Variants in MYCBP2 observed in about 807,000 individuals in gnomAD.
MYCBP2 encodes the protein MYC binding protein 2.
A neutral mutation model predicts 525.3 loss-of-function variants in MYCBP2; 120 were observed. The observed-to-expected ratio is 0.23, with a 90% CI of 0.20 to 0.27. The LOEUF is 0.27. Among genes scored for constraint, MYCBP2 ranks in the 10% least tolerant of loss-of-function variants. The pLI, the probability that MYCBP2 is intolerant of heterozygous loss-of-function variation, is 1.00. For synonymous variants in MYCBP2, 1,894 were observed against 1,955.8 expected (o/e 0.97, Z 0.83); for missense variants, 4,149 against 5,657.1 (o/e 0.73, Z 8.55).
chr13:77,275,069 T>C (rs1453741039), intron 4 of MYCBP2, among the ~76,000 whole-genome samples: 1 of 152,162 alleles, frequency 6.6e-6, no homozygotes, highest in African/African-American at 2.4e-5. Context: ...ATTCAGCAAA[T>C]ATATACCGAA....
rs1441102597 is a variant in MYCBP2, at chr13:77,243,051, C to T, written c.2629+8G>A. 3.1e-6 allele frequency: 5 copies of T among 1,612,708 alleles called. No homozygotes were observed. Among genetic ancestry groups the T allele is most frequent in the Admixed American group, 3.3e-5 (2 of 59,982 alleles). On this transcript the variant is annotated splice_region_variant and intron_variant, in intron 17 of 82. Transcript: ENST00000544440. Reference sequence around the variant, plus strand: ...TTCATGTACTTTTTCTCTGTAGCTACATCTTACCTCTTCCTTCCTCTAATC... The same window carrying T: ...TTCATGTACTTTTTCTCTGTAGCTATATCTTACCTCTTCCTTCCTCTAATC...
Position 77,098,255 on chromosome 13 carries a change from C to A in MYCBP2, c.8899G>T (p.Val2967Phe). The A allele has an allele frequency of 1.2e-5, 19 of 1,613,024 alleles. No homozygotes were observed. The highest frequency in any genetic ancestry group is 1.6e-5 in the Non-Finnish European group (19 of 1,179,806). Reference protein sequence around the residue: ...FKSVDEGSNKVHFSIGKAPLK... With the variant: ...FKSVDEGSNKFHFSIGKAPLK... ...GGTGCTTTTCCAATGCTAAAATGAA[C>A]TTTATTTGAACCTTCATCCACACTC... Residue 2967 changes from valine (V) to phenylalanine (F), a missense_variant, in exon 56 of 83, where the codon GTT (valine) becomes TTT (phenylalanine). By Grantham distance (50) the Val-to-Phe change is conservative (BLOSUM62 -1). Coordinates refer to ENST00000544440, the MANE Select transcript of MYCBP2 (RefSeq NM_015057.5).
chr13:77,185,866 C>G lies in MYCBP2; in HGVS notation c.4444+5G>C, dbSNP rs1365706119. The G allele has an allele frequency of 6.4e-7, 1 of 1,553,454 alleles. No homozygotes were observed. The highest frequency in any genetic ancestry group is 2.3e-5 in the East Asian group (1 of 43,558). On this transcript the variant is annotated splice_donor_5th_base_variant and intron_variant, in intron 31 of 82. Transcript: ENST00000544440. ...CTATAGTCATTTAAAAAAAATGCAT[C>G]ATACCTGACACTGGGTAAATTTCAC...
intron 1 of MYCBP2, among the ~76,000 whole-genome samples, chr13:77,311,776 A>G (rs2154376341): frequency 6.6e-6 from 1 of 152,162 alleles, no homozygotes; most frequent in Middle Eastern, 3.4e-3. Context: ...GAGGCCTGTG[A>G]AACAATCTCA....
chr13:77,162,178 T>C (rs766672616), intron 43 of MYCBP2, among the ~76,000 whole-genome samples: 5 of 152,192 alleles, frequency 3.3e-5, no homozygotes, highest in Non-Finnish European at 7.3e-5. Flanking sequence ...TCAAGAAGCA[T>C]CCATGGGTGA....
At chr13:77,237,964 C>A (rs997274692) in intron 17 of MYCBP2, among the ~76,000 whole-genome samples, 7 of 152,166 alleles carry the variant, frequency 4.6e-5, no homozygotes, top group African/African-American at 1.4e-4. Context: ...TAGCAACATG[C>A]CGGACGCGGT....
intron 62 of MYCBP2, among the ~76,000 whole-genome samples, chr13:77,083,421 G>A (rs570351880): frequency 6.6e-6 from 1 of 152,180 alleles, no homozygotes; most frequent in South Asian, 2.1e-4. Flanking sequence ...ATGAATAAAT[G>A]TATCAATTCT....
intron 52 of MYCBP2, among the ~76,000 whole-genome samples, chr13:77,126,959 T>G (rs1439805649): frequency 6.6e-6 from 1 of 152,086 alleles, no homozygotes; most frequent in Non-Finnish European, 1.5e-5. Flanking sequence ...AGTCTAAATA[T>G]TCATTTCTTC....
chr13:77,250,450 CA>C (rs2154328253), intron 15 of MYCBP2, among the ~76,000 whole-genome samples: 1 of 152,270 alleles, frequency 6.6e-6, no homozygotes, highest in South Asian at 2.1e-4. Flanking sequence ...TCTACTCCCC[CA>C]AATCAGCCAA....
intron 52 of MYCBP2, among the ~76,000 whole-genome samples, chr13:77,128,621 C>T (rs1566633764): frequency 2.0e-5 from 3 of 151,680 alleles, no homozygotes; most frequent in South Asian, 2.1e-4. Context: ...AATTCTTGTG[C>T]TAAACAGTAT....
intron 16 of MYCBP2, 90 bp from the exon 17 acceptor site, chr13:77,243,250 G>T: frequency 1.0e-6 from 1 of 1,002,982 alleles, no homozygotes; most frequent in Non-Finnish European, 1.6e-6. Flanking sequence ...GAAAGTAAAA[G>T]CTAGCAAAAA....
intron 20 of MYCBP2, among the ~76,000 whole-genome samples, chr13:77,219,555 G>A (rs988439427): frequency 2.6e-5 from 4 of 151,930 alleles, no homozygotes; most frequent in Middle Eastern, 6.3e-3. Context: ...ACAGGAAACA[G>A]AAATAGATCT....
intron 8 of MYCBP2, 85 bp downstream of exon 8, chr13:77,267,756 T>C (rs2074308316): frequency 1.9e-6 from 2 of 1,055,378 alleles, no homozygotes; most frequent in African/African-American, 3.2e-5. Context: ...TATCCCTTGC[T>C]AATCATTCTT....
At chr13:77,156,010 T>C (rs2154198829) in intron 46 of MYCBP2, 48 bp downstream of exon 46, 1 of 1,551,310 alleles carries the variant, frequency 6.4e-7, no homozygotes, top group Non-Finnish European at 8.8e-7. Context: ...TTATCAGTCA[T>C]TGCAGCCAGT....
At chr13:77,061,360 G>C (rs1351253419) in intron 75 of MYCBP2, 59 bp from the exon 76 acceptor site, 2 of 1,383,524 alleles carry the variant, frequency 1.4e-6, no homozygotes, top group Admixed American at 4.9e-5. Context: ...GAAAGGGAGA[G>C]TATAAAATTT....
intron 75 of MYCBP2, 58 bp from the exon 76 acceptor site, chr13:77,061,359 A>T: frequency 7.2e-7 from 1 of 1,396,212 alleles, no homozygotes; most frequent in Non-Finnish European, 9.7e-7. Context: ...TGAAAGGGAG[A>T]GTATAAAATT....
chr13:77,186,108 T>G, intron 30 of MYCBP2, 45 bp from the exon 31 acceptor site: 1 of 1,357,660 alleles, frequency 7.4e-7, no homozygotes, highest in Non-Finnish European at 9.9e-7. Flanking sequence ...ATTCAAATGA[T>G]ACCATAAACG....
intron 47 of MYCBP2, among the ~76,000 whole-genome samples, chr13:77,147,334 TAAAAA>T (rs552138347): frequency 7.2e-5 from 11 of 151,978 alleles, no homozygotes; most frequent in African/African-American, 2.7e-4. Context: ...TGTTTCTTAA[TAAAAA>T]AATAACAAAA....
At position 77,077,347 on chromosome 13, in the gene MYCBP2, T is replaced by A; in HGVS notation, c.11525A>T (p.Glu3842Val). The change falls in exon 67 of 83, where the codon GAA becomes GTA. Residue 3842 changes from glutamate to valine, a missense_variant. This residue lies in a region of MYCBP2 where 509 missense variants were observed against 789.4 expected (regional missense o/e 0.64). Transcript: ENST00000544440. ...GATGTGATTATCCCCTCCTGGAAGTTCACTTGTTACCCAGCCAATGTGCCT... is the reference window on the plus strand; with the variant it reads ...GATGTGATTATCCCCTCCTGGAAGTACACTTGTTACCCAGCCAATGTGCCT... ...DSRHIGWVTS[E>V]LPGGDNHIIK... The A allele has an allele frequency of 6.2e-7, 1 of 1,614,040 alleles. No homozygotes were observed. Among genetic ancestry groups the A allele is most frequent in the Non-Finnish European group, 8.5e-7 (1 of 1,179,924 alleles).
Sources: allele counts gnomAD v4.1 joint callset (sites outside exome capture counted in the v4.1 genomes callset), GRCh38; gene constraint gnomAD v4.1.1; regional missense constraint gnomAD v4.1.1; transcripts MANE v1.5; gene names NCBI Gene and HGNC (gene_info 2026-07-23, HGNC 2026-07-21).